The following ADAM9 variants were observed in gnomAD, a reference collection of about 807,000 sequenced individuals.
ADAM9 encodes the protein ADAM metallopeptidase domain 9.
A neutral mutation model predicts 108.1 loss-of-function variants in ADAM9; 54 were observed. The ratio of observed to expected loss-of-function variants is 0.50; its 90% CI spans 0.40 to 0.63. The LOEUF (loss-of-function observed/expected upper bound fraction) is 0.63. Ranked by LOEUF, ADAM9 falls within the 20% of genes least tolerant of loss-of-function variation. The pLI is 0.00. For synonymous variants in ADAM9, 316 were observed against 336.0 expected, an observed-to-expected ratio of 0.94 and a Z score of 0.65; for missense variants, 830 against 997.7, an observed-to-expected ratio of 0.83 and a Z score of 2.26.
At chr8:39,004,615 A>G (rs1836103008) in intron 1 of ADAM9, among the ~76,000 whole-genome samples, 1 of 152,178 alleles carries the variant, frequency 6.6e-6, no homozygotes, top group Non-Finnish European at 1.5e-5. Context: ...AAGAATGGCT[A>G]CTCCACGAGC....
At chr8:39,021,736 C>T (rs1357992291) in intron 8 of ADAM9, 22 bp downstream of exon 8, 2 of 1,592,736 alleles carry the variant, frequency 1.3e-6, no homozygotes, top group Non-Finnish European at 1.7e-6. Context: ...TTTCTATCAA[C>T]CAGGATGATT....
chr8:39,045,604 C>G (rs1837743051), intron 12 of ADAM9, among the ~76,000 whole-genome samples: 2 of 147,922 alleles, frequency 1.4e-5, no homozygotes, highest in Admixed American at 1.3e-4. Flanking sequence ...TTTTTCTCAT[C>G]CAGTCGACTG....
chr8:39,041,857 T>G, intron 11 of ADAM9, 89 bp from the exon 12 acceptor site: 2 of 1,187,934 alleles, frequency 1.7e-6, no homozygotes, highest in African/African-American at 1.5e-5. Context: ...ATTTAAAATA[T>G]TCACATTTTG....
At position 39,055,602 on chromosome 8, in the gene ADAM9, G is replaced by A. The variant is rs1264759824; in HGVS notation, c.1421G>A (p.Arg474Gln). 3.1e-6 allele frequency: 5 copies of A among 1,613,492 alleles called. No homozygotes were observed. Among genetic ancestry groups the A allele is most frequent in the Non-Finnish European group, 3.4e-6 (4 of 1,179,672 alleles). The change falls in exon 14 of 22, where the codon CGA (arginine) becomes CAA (glutamine). Residue 474 changes from arginine to glutamine, a missense_variant. Arg to Gln is a conservative substitution (Grantham distance 43). Coordinates refer to ENST00000487273, the MANE Select transcript of ADAM9 (RefSeq NM_003816.3). ...TTCCTTCCAGGAGGTACTTTATGCC[G>A]AGGAAAAACCAGTGAGTGTGATGTT... is the stretch of plus-strand genomic sequence containing the variant. ...CRFLPGGTLC[R>Q]GKTSECDVPE...
At chr8:39,061,665 A>G (rs1838303009) in intron 14 of ADAM9, among the ~76,000 whole-genome samples, 4 of 152,124 alleles carry the variant, frequency 2.6e-5, no homozygotes, top group Non-Finnish European at 2.9e-5. Context: ...AGGTGCTGCC[A>G]TCTGATGAGG....
chr8:39,050,669 C>T (rs973044940), intron 12 of ADAM9, among the ~76,000 whole-genome samples: 3 of 151,910 alleles, frequency 2.0e-5, no homozygotes, highest in Non-Finnish European at 2.9e-5. Flanking sequence ...TGTTATACTG[C>T]CTTTTCTATT....
intron 4 of ADAM9, chr8:39,015,432 A>C (rs577137130): frequency 2.6e-5 from 4 of 152,338 alleles, no homozygotes. Flanking sequence ...AAGTATCATA[A>C]GTATGATAGA....
chr8:39,103,477 T>C, intron 21 of ADAM9, 130 bp from the exon 22 acceptor site: 1 of 880,292 alleles, frequency 1.1e-6, no homozygotes, highest in Non-Finnish European at 1.9e-6. Context: ...CTAATACTGA[T>C]CTCAGAATGT....
In ADAM9 at chr8:39,014,846, T is replaced by TA. The variant is rs1196113600; in HGVS notation, c.333+804dup. 1.2e-5 allele frequency: 4 copies of TA among 327,258 alleles called. No homozygotes were observed. The Admixed American group carries it at 1.9e-4, about 16-fold the overall frequency. 20.3% of individuals were successfully genotyped at this position (327,258 alleles called of 1,614,324 possible). A position where few individuals can be genotyped will look rare whatever the true frequency, so the allele number is the denominator to read the frequency against. ...AATCTTTAGATTAATTATTAGTACTTACAAAAACCAAGGAAATGCTGACTT... is the reference window on the plus strand; with the variant it reads ...AATCTTTAGATTAATTATTAGTACTTAACAAAAACCAAGGAAATGCTGACTT... On this transcript the variant is annotated intron_variant, in intron 4 of 21. Coordinates refer to ENST00000487273, the MANE Select transcript of ADAM9 (RefSeq NM_003816.3).
intron 11 of ADAM9, among the ~76,000 whole-genome samples, chr8:39,036,815 G>A (rs35534138): frequency 0.24 from 35,775 of 151,414 alleles, 4,539 homozygotes; most frequent in South Asian, 0.31. Flanking sequence ...CACCACAAGT[G>A]TCTATGATTT....
chr8:39,051,101 T>C (rs1232091858), intron 12 of ADAM9, among the ~76,000 whole-genome samples: 1 of 152,146 alleles, frequency 6.6e-6, no homozygotes, highest in Non-Finnish European at 1.5e-5. Flanking sequence ...TTTAACCTAC[T>C]ACCTTTGTTC....
chr8:39,035,835 A>G (rs892853039), intron 11 of ADAM9, among the ~76,000 whole-genome samples: 2 of 152,028 alleles, frequency 1.3e-5, no homozygotes, highest in Admixed American at 6.5e-5. Context: ...ACAAAACAAA[A>G]CAAAACAAAA....
At chr8:39,100,754 C>G (rs775436555) in intron 20 of ADAM9, among the ~76,000 whole-genome samples, 1 of 152,190 alleles carries the variant, frequency 6.6e-6, no homozygotes, top group Non-Finnish European at 1.5e-5. Flanking sequence ...ACTGTGCATT[C>G]TCTGCCAGTC....
intron 17 of ADAM9, 70 bp from the exon 18 acceptor site, chr8:39,082,898 T>A (rs920941454): frequency 4.2e-6 from 6 of 1,442,520 alleles, no homozygotes; most frequent in Middle Eastern, 1.7e-4. Flanking sequence ...TCTCTTGGTT[T>A]CCATTCTTGA....
chr8:39,017,811 T>C (rs931368693), intron 6 of ADAM9, among the ~76,000 whole-genome samples: 1 of 152,218 alleles, frequency 6.6e-6, no homozygotes, highest in Non-Finnish European at 1.5e-5. Context: ...CAGGCTGGTC[T>C]TGAACCCCTG....
intron 12 of ADAM9, among the ~76,000 whole-genome samples, chr8:39,044,886 A>ATATATGTGTGCACACATACATATGTATG (rs1564295112): frequency 6.1e-5 from 8 of 131,570 alleles, no homozygotes; most frequent in African/African-American, 2.2e-4. Flanking sequence ...ATATATATGT[A>ATATATGTGTGCACACATACATATGTATG]TATATATGTG....
chr8:39,090,313 C>A (rs767758224), intron 19 of ADAM9, 125 bp downstream of exon 19: 2 of 748,086 alleles, frequency 2.7e-6, no homozygotes, highest in East Asian at 2.8e-5. Flanking sequence ...GTTGGGATTA[C>A]AGGCACACCA....
chr8:39,003,480 G>A (rs6995969), intron 1 of ADAM9, among the ~76,000 whole-genome samples: 119,314 of 147,730 alleles, frequency 0.81, 48,250 homozygotes, highest in East Asian at 0.95. Context: ...CTACTATTTG[G>A]AATTTAAAAA....
At chr8:39,004,687 A>G (rs1836106495) in intron 1 of ADAM9, among the ~76,000 whole-genome samples, 1 of 152,214 alleles carries the variant, frequency 6.6e-6, no homozygotes, top group Admixed American at 6.5e-5. Context: ...TTATATGCCA[A>G]ACAAGGGGTG....
Sources: gnomAD v4.1 joint callset for allele counts (sites outside exome capture counted in the v4.1 genomes callset) on GRCh38, gnomAD v4.1.1 for gene constraint, MANE v1.5 for transcripts, NCBI Gene and HGNC (gene_info 2026-07-23, HGNC 2026-07-21) for gene names.